Variants in PLXNA4 observed in about 807,000 individuals in gnomAD.
PLXNA4 encodes the protein plexin-A4.
In PLXNA4, 44 loss-of-function variants were observed where a neutral mutation model predicts 191.8. The ratio of observed to expected loss-of-function variants is 0.23; its 90% confidence interval spans 0.18 to 0.29. The LOEUF (loss-of-function observed/expected upper bound fraction) is 0.29. Among genes scored for constraint, PLXNA4 ranks in the 10% least tolerant of loss-of-function variants. PLXNA4 has a pLI of 1.00. For missense variants in PLXNA4, 1,800 were observed against 2,488.8 expected, an observed-to-expected ratio of 0.72 and a Z score of 5.89; for synonymous variants, 1,082 against 1,009.5, an observed-to-expected ratio of 1.07 and a Z score of -1.36.
chr7:132,576,638 G>T (rs1802253260), upstream of PLXNA4: 1 of 979,710 alleles, frequency 1.0e-6, no homozygotes, highest in African/African-American at 1.7e-5. This position sits in a 1 kb window ranked among gnomAD's most constrained non-coding sequence, Gnocchi z 5.8. Flanking sequence ...AGCCTGCGGG[G>T]CTTGACAGCT....
intron 3 of PLXNA4, among the ~76,000 whole-genome samples, chr7:132,421,574 TAA>T (rs1008734162): frequency 7.4e-6 from 1 of 135,436 alleles, no homozygotes; most frequent in African/African-American, 3.7e-5. Context: ...ACTTTATTGC[TAA>T]AGTTTTTTTT....
At chr7:132,519,065 C>T (rs1441817588) in intron 1 of PLXNA4, among the ~76,000 whole-genome samples, 2 of 152,348 alleles carry the variant, frequency 1.3e-5, no homozygotes, top group Middle Eastern at 3.4e-3. Flanking sequence ...TTTCTTTACT[C>T]CAAGTGTGGC....
chr7:132,353,120 G>T (rs1003822926), intron 3 of PLXNA4, among the ~76,000 whole-genome samples: 3 of 152,258 alleles, frequency 2.0e-5, no homozygotes, highest in Admixed American at 6.5e-5. Flanking sequence ...TTCTGCCAGA[G>T]CCATGTGCTT....
intron 3 of PLXNA4, among the ~76,000 whole-genome samples, chr7:132,307,100 C>T (rs1392490030): frequency 6.6e-6 from 1 of 152,098 alleles, no homozygotes; most frequent in Non-Finnish European, 1.5e-5. Flanking sequence ...GCAAGTCCAT[C>T]TCCCCACCAG....
chr7:132,171,560 A>T (rs1362327802), intron 21 of PLXNA4, among the ~76,000 whole-genome samples: 1 of 152,130 alleles, frequency 6.6e-6, no homozygotes, highest in Non-Finnish European at 1.5e-5. Context: ...GCATTTAGAG[A>T]GGTGGAAGAG....
intron 3 of PLXNA4, among the ~76,000 whole-genome samples, chr7:132,458,377 C>G (rs1000623218): frequency 2.0e-5 from 3 of 151,870 alleles, no homozygotes; most frequent in Non-Finnish European, 4.4e-5. Flanking sequence ...TCAAGGGCAG[C>G]ACTGTTCATA....
chr7:132,558,976 G>T (rs937451805), intron 1 of PLXNA4, among the ~76,000 whole-genome samples: 4 of 152,158 alleles, frequency 2.6e-5, no homozygotes, highest in Non-Finnish European at 5.9e-5. Context: ...GTGGACAGGG[G>T]CATGGTGAGG....
At chr7:132,361,654 G>A (rs1466422198) in intron 3 of PLXNA4, among the ~76,000 whole-genome samples, 2 of 152,222 alleles carry the variant, frequency 1.3e-5, no homozygotes, top group African/African-American at 2.4e-5. Context: ...GGAACAGGGA[G>A]TGAGGCCAGA....
intron 3 of PLXNA4, among the ~76,000 whole-genome samples, chr7:132,466,477 G>A (rs1796707182): frequency 6.6e-6 from 1 of 152,242 alleles, no homozygotes; most frequent in African/African-American, 2.4e-5. Flanking sequence ...GCTGTTCTGA[G>A]GGTTGAAAGA....
rs571553511 is a variant in PLXNA4, at chr7:132,612,165, G to A, written c.-87+33763C>T. Among the ~76,000 whole-genome samples the A allele has an allele frequency of 6.6e-5, 10 of 152,246 alleles. No homozygotes were observed. In the South Asian group the frequency reaches 8.3e-4, roughly 13 times the overall value. Reference sequence around the variant, plus strand: ...ACTTCCCAAAGGATAGCACATGTCCGCTTACATCTCAGTGGCCAGGACTTA... The same window carrying A: ...ACTTCCCAAAGGATAGCACATGTCCACTTACATCTCAGTGGCCAGGACTTA... On this transcript the variant is annotated intron_variant, in intron 2 of 4. Coordinates refer to the PLXNA4 transcript ENST00000378539.
intron 3 of PLXNA4, among the ~76,000 whole-genome samples, chr7:132,433,783 A>C (rs1305302354): frequency 6.6e-6 from 1 of 152,176 alleles, no homozygotes; most frequent in Non-Finnish European, 1.5e-5. Flanking sequence ...CTGACTTCCT[A>C]ACCTCATCTG....
chr7:132,528,131 C>T (rs1799477408), intron 1 of PLXNA4, among the ~76,000 whole-genome samples: 1 of 152,178 alleles, frequency 6.6e-6, no homozygotes, highest in South Asian at 2.1e-4. Flanking sequence ...TATTAACCAA[C>T]TCGGGATGGT....
intron 12 of PLXNA4, among the ~76,000 whole-genome samples, chr7:132,200,305 T>G (rs1480917830): frequency 6.6e-6 from 1 of 152,048 alleles, no homozygotes; most frequent in Non-Finnish European, 1.5e-5. Flanking sequence ...AGCAGCCCCC[T>G]GGGTTGGTTT....
intron 5 of PLXNA4, among the ~76,000 whole-genome samples, chr7:132,240,593 T>A (rs1224774891): frequency 6.6e-6 from 1 of 152,210 alleles, no homozygotes; most frequent in Non-Finnish European, 1.5e-5. Context: ...TTGGAGCTGT[T>A]GAAGTAGATG....
intron 25 of PLXNA4, among the ~76,000 whole-genome samples, chr7:132,156,310 C>T (rs1268323381): frequency 1.3e-5 from 2 of 152,126 alleles, no homozygotes; most frequent in East Asian, 1.9e-4. Flanking sequence ...AGTGGGAGAG[C>T]TCGTCTGAGC....
intron 3 of PLXNA4, among the ~76,000 whole-genome samples, chr7:132,423,538 A>G (rs1341995954): frequency 6.6e-6 from 1 of 152,194 alleles, no homozygotes; most frequent in Non-Finnish European, 1.5e-5. Context: ...TATCAGTCAC[A>G]TGTATGCCCA....
At chr7:132,156,026 C>T (rs755721404) in intron 25 of PLXNA4, among the ~76,000 whole-genome samples, 5 of 152,046 alleles carry the variant, frequency 3.3e-5, no homozygotes, top group Non-Finnish European at 7.4e-5. Context: ...TGCCTCCTCC[C>T]TGGGTCTCCA....
intron 3 of PLXNA4, among the ~76,000 whole-genome samples, chr7:132,462,835 AATTTT>A (rs1796562554): frequency 9.8e-6 from 1 of 102,408 alleles, no homozygotes; most frequent in Non-Finnish European, 1.8e-5. Flanking sequence ...ACATTTCTAT[AATTTT>A]TTTTTTTTTT....
At chr7:132,368,772 C>T (rs1804301767) in intron 3 of PLXNA4, among the ~76,000 whole-genome samples, 1 of 152,206 alleles carries the variant, frequency 6.6e-6, no homozygotes, top group South Asian at 2.1e-4. Flanking sequence ...TGAAGGAAGA[C>T]AGCCCAGCCC....
Sources: gnomAD v4.1 joint callset for allele counts (sites outside exome capture counted in the v4.1 genomes callset) on GRCh38, gnomAD v4.1.1 for gene constraint, Gnocchi (gnomAD v3.1) non-coding constraint, MANE v1.5 for transcripts, NCBI Gene and HGNC (gene_info 2026-07-23, HGNC 2026-07-21) for gene names.